ANO6: variants seen among roughly 807,000 people sequenced by gnomAD.
ANO6 encodes anoctamin 6, also known as anoctamin-6.
A neutral mutation model predicts 117.5 loss-of-function variants in ANO6; 106 were observed. That is an observed-to-expected ratio of 0.90 (90% CI 0.77 to 1.06). The LOEUF (loss-of-function observed/expected upper bound fraction) is 1.06. Among genes scored for constraint, ANO6 ranks in the 50% least tolerant of loss-of-function variants. ANO6 has a pLI of 0.00. For missense variants in ANO6, 955 were observed against 1,121.1 expected (o/e 0.85, Z 2.12); for synonymous variants, 367 against 385.1 (o/e 0.95, Z 0.55).
At chr12:45,323,490 A>G (rs1565690277) in intron 2 of ANO6, among the ~76,000 whole-genome samples, 1 of 152,246 alleles carries the variant, frequency 6.6e-6, no homozygotes, top group Admixed American at 6.5e-5. Flanking sequence ...CACAGGTAGT[A>G]ATGAATAAAG....
At chr12:45,345,094 G>GCAGCCAA (rs1425314332) in intron 3 of ANO6, among the ~76,000 whole-genome samples, 1 of 152,166 alleles carries the variant, frequency 6.6e-6, no homozygotes, top group African/African-American at 2.4e-5. Context: ...CTACTCTATT[G>GCAGCCAA]TATGTTCAAA....
intron 2 of ANO6, among the ~76,000 whole-genome samples, chr12:45,308,213 A>T (rs552500162): frequency 1.1e-4 from 16 of 151,756 alleles, no homozygotes; most frequent in Non-Finnish European, 2.2e-4. Context: ...TGCAAGAGTG[A>T]GAGGGAAGGA....
intron 2 of ANO6, among the ~76,000 whole-genome samples, chr12:45,323,425 A>C (rs1225103194): frequency 4.6e-5 from 7 of 152,198 alleles, no homozygotes; most frequent in Admixed American, 6.5e-5. Context: ...CAGAGAGAAG[A>C]AGCAAGATGC....
At chr12:45,235,152 CT>C in intron 1 of ANO6, among the ~76,000 whole-genome samples, 1 of 152,198 alleles carries the variant, frequency 6.6e-6, no homozygotes, top group East Asian at 1.9e-4. Context: ...AAATAAAGTC[CT>C]CTCCAATGTG....
At chr12:45,418,685 T>C (rs1369596829) in intron 17 of ANO6, among the ~76,000 whole-genome samples, 1 of 152,224 alleles carries the variant, frequency 6.6e-6, no homozygotes, top group African/African-American at 2.4e-5. Flanking sequence ...GCCATGGCTC[T>C]ACTCCATGAG....
In ANO6 at chr12:45,295,242, G is replaced by A. The variant is rs61923857; in HGVS notation, c.71-6772G>A. On this transcript the variant is annotated intron_variant, in intron 1 of 19. Coordinates refer to ENST00000320560, the MANE Select transcript of ANO6 (RefSeq NM_001025356.3). The stretch of plus-strand genomic sequence containing the variant: ...CTGAGTGGCTCTATTTTAAAATCTC[G>A]TTGTAATATCACAAGGCCTATACTC... 5.9e-3 allele frequency among the ~76,000 whole-genome samples: 892 copies of A among 152,220 alleles called. 4 individuals are homozygous for A. The highest frequency in any genetic ancestry group is 0.02 in the South Asian group (96 of 4,818).
chr12:45,392,495 T>C (rs534620960), intron 12 of ANO6, among the ~76,000 whole-genome samples: 1 of 152,230 alleles, frequency 6.6e-6, no homozygotes, highest in Non-Finnish European at 1.5e-5. Context: ...AAGAGAGCAG[T>C]GGTTCTCCCA....
At chr12:45,356,265 C>G (rs571455425) in intron 7 of ANO6, among the ~76,000 whole-genome samples, 5 of 151,944 alleles carry the variant, frequency 3.3e-5, no homozygotes, top group African/African-American at 1.2e-4. Flanking sequence ...GCATCCTTCC[C>G]TCTTTCATTC....
chr12:45,379,591 G>A (rs1260713421), intron 10 of ANO6, among the ~76,000 whole-genome samples: 2 of 152,156 alleles, frequency 1.3e-5, no homozygotes, highest in African/African-American at 4.8e-5. Flanking sequence ...ACTATTAACC[G>A]TACTCTCAGC....
intron 3 of ANO6, among the ~76,000 whole-genome samples, chr12:45,342,135 A>T (rs1047348868): frequency 6.6e-6 from 1 of 152,174 alleles, no homozygotes; most frequent in Non-Finnish European, 1.5e-5. Flanking sequence ...GAATCTAGCC[A>T]CTATGCCCAG....
chr12:45,244,793 T>A (rs1947799744), intron 1 of ANO6, among the ~76,000 whole-genome samples: 1 of 152,210 alleles, frequency 6.6e-6, no homozygotes, highest in East Asian at 1.9e-4. Context: ...CCTTGGGTAC[T>A]GGTGGCAAGA....
At chr12:45,323,061 G>A (rs1340596177) in intron 2 of ANO6, among the ~76,000 whole-genome samples, 1 of 152,162 alleles carries the variant, frequency 6.6e-6, no homozygotes, top group Non-Finnish European at 1.5e-5. Flanking sequence ...CTCTGGTTCT[G>A]TTTATAATTC....
intron 1 of ANO6, among the ~76,000 whole-genome samples, chr12:45,257,672 GTGTCT>G (rs1937884207): frequency 6.6e-6 from 1 of 152,128 alleles, no homozygotes; most frequent in Non-Finnish European, 1.5e-5. Context: ...CTAGGCTCTT[GTGTCT>G]CACCTGGACT....
rs1011382817 is a variant in ANO6 at position 45,430,254 on chromosome 12, T to A, written c.*943T>A. The A allele has an allele frequency of 2.0e-6, 2 of 985,336 alleles. No individual in the cohort carries two copies. Among genetic ancestry groups the A allele is most frequent in the African/African-American group, 1.7e-5 (1 of 57,244 alleles). The allele number at this position is 985,336 out of a possible 1,614,324, so 61.0% of individuals were successfully genotyped here. ...CAATTTTCTACCAGTTGACTTTTATTCATTAGATACAGAAGGTGCAGTATT... is the reference window on the plus strand; with the variant it reads ...CAATTTTCTACCAGTTGACTTTTATACATTAGATACAGAAGGTGCAGTATT... On this transcript the variant is annotated 3_prime_UTR_variant, in exon 20 of 20. Transcript: ENST00000320560.
chr12:45,422,796 A>C (rs926961298), intron 18 of ANO6, among the ~76,000 whole-genome samples, 161 bp from the exon 19 acceptor site: 1 of 151,880 alleles, frequency 6.6e-6, no homozygotes, highest in Admixed American at 6.6e-5. Context: ...CTGGTGTCGC[A>C]CTCCTGGCCT....
At chr12:45,364,724 A>T (rs185866994) in intron 8 of ANO6, among the ~76,000 whole-genome samples, 1 of 152,194 alleles carries the variant, frequency 6.6e-6, no homozygotes, top group Admixed American at 6.5e-5. Context: ...CCAAATATGT[A>T]TAACTGCTAA....
chr12:45,307,799 G>A (rs570491604), intron 2 of ANO6, among the ~76,000 whole-genome samples: 1 of 152,206 alleles, frequency 6.6e-6, no homozygotes, highest in East Asian at 1.9e-4. Context: ...CAGTGAGGTG[G>A]GAGGAAAGTG....
In ANO6 at chr12:45,387,088, C is replaced by A. The variant is rs542760491; in HGVS notation, c.1166-1073C>A. Among the ~76,000 whole-genome samples, 10 of 152,252 alleles carry A rather than the reference C, an allele frequency of 6.6e-5. No homozygotes were observed. The East Asian group carries it at 1.7e-3, about 26-fold the overall frequency. ...GACTGTGTCTTGTTTTCTCTTTATTCCCAGCTGATAGTAGACACTCAAAGA... is the reference window on the plus strand; with the variant it reads ...GACTGTGTCTTGTTTTCTCTTTATTACCAGCTGATAGTAGACACTCAAAGA... On this transcript the variant is annotated intron_variant, in intron 10 of 19. Transcript: ENST00000320560.
At chr12:45,387,453 A>C (rs1593049281) in intron 10 of ANO6, among the ~76,000 whole-genome samples, 1 of 152,152 alleles carries the variant, frequency 6.6e-6, no homozygotes, top group Non-Finnish European at 1.5e-5. Context: ...AAAGCAGATG[A>C]AGGATGGATC....
Sources: gnomAD v4.1 joint callset for allele counts (sites outside exome capture counted in the v4.1 genomes callset) on GRCh38, gnomAD v4.1.1 for gene constraint, MANE v1.5 for transcripts, NCBI Gene and HGNC (gene_info 2026-07-23, HGNC 2026-07-21) for gene names.